The following ENTREP2 variants were observed in gnomAD, a reference collection of about 807,000 sequenced individuals.
ENTREP2 encodes protein ENTREP2.
the ENTREP2 span, among the ~76,000 whole-genome samples, chr15:29,668,320 T>G: frequency 6.6e-6 from 1 of 152,090 alleles, no homozygotes. Context: ...AACCATACTT[T>G]CCAGCAGATG....
At chr15:29,654,081 T>C in the ENTREP2 span, among the ~76,000 whole-genome samples, 1 of 152,188 alleles carries the variant, frequency 6.6e-6, no homozygotes, top group South Asian at 2.1e-4. Context: ...ATTTATAATA[T>C]TGCTATAATT....
chr15:29,641,831 C>CAAAA, the ENTREP2 span, among the ~76,000 whole-genome samples: 2 of 78,620 alleles, frequency 2.5e-5, no homozygotes. Context: ...GACTCTGTCT[C>CAAAA]AAAAAAAAAA....
At chr15:29,600,902 C>CCTTTTTTTTTTTTTTT in the ENTREP2 span, among the ~76,000 whole-genome samples, 29 of 123,602 alleles carry the variant, frequency 2.3e-4, no homozygotes, top group African/African-American at 9.7e-4. Context: ...ATTTTTCTTT[C>CCTTTTTTTTTTTTTTT]TTTTTTTTTT....
chr15:29,148,619 G>T, the ENTREP2 span, among the ~76,000 whole-genome samples: 2 of 152,084 alleles, frequency 1.3e-5, no homozygotes, highest in East Asian at 3.8e-4. Context: ...TTTTTATTGT[G>T]TTTTTTCCTT....
chr15:29,415,077 G>A, the ENTREP2 span, among the ~76,000 whole-genome samples: 3 of 152,160 alleles, frequency 2.0e-5, no homozygotes, highest in African/African-American at 2.4e-5. Flanking sequence ...AGAGGTACAA[G>A]GAGGAGCTGG....
chr15:29,534,250 T>C, the ENTREP2 span, among the ~76,000 whole-genome samples: 5 of 152,102 alleles, frequency 3.3e-5, no homozygotes, highest in African/African-American at 1.2e-4. Context: ...GGGAATCTAT[T>C]TTCTCGCTGG....
the ENTREP2 span, among the ~76,000 whole-genome samples, chr15:29,311,986 A>G: frequency 6.6e-6 from 1 of 152,244 alleles, no homozygotes; most frequent in Non-Finnish European, 1.5e-5. Flanking sequence ...GGTATGTGAA[A>G]AAATCAGCAT....
At chr15:29,643,405 T>C in the ENTREP2 span, among the ~76,000 whole-genome samples, 2 of 151,988 alleles carry the variant, frequency 1.3e-5, no homozygotes, top group Admixed American at 6.6e-5. Context: ...ACCAGGGAAA[T>C]GCAAATCTAA....
the ENTREP2 span, among the ~76,000 whole-genome samples, chr15:29,470,332 G>A: frequency 6.6e-6 from 1 of 152,154 alleles, no homozygotes; most frequent in Non-Finnish European, 1.5e-5. Flanking sequence ...CAGGTCCTGG[G>A]CCCTGCCAAG....
the ENTREP2 span, among the ~76,000 whole-genome samples, chr15:29,220,284 G>C: frequency 6.6e-6 from 1 of 152,200 alleles, no homozygotes; most frequent in Non-Finnish European, 1.5e-5. Context: ...TGTGAATTCA[G>C]AGAAACCAGG....
the ENTREP2 span, among the ~76,000 whole-genome samples, chr15:29,624,691 C>A: frequency 6.6e-6 from 1 of 152,072 alleles, no homozygotes; most frequent in Non-Finnish European, 1.5e-5. Flanking sequence ...AATTGGAGAC[C>A]CACAGGGACT....
chr15:29,151,567 C>T, the ENTREP2 span, among the ~76,000 whole-genome samples: 1 of 152,168 alleles, frequency 6.6e-6, no homozygotes, highest in African/African-American at 2.4e-5. Context: ...ACATCAGCGG[C>T]GCCACGTGTG....
the ENTREP2 span, among the ~76,000 whole-genome samples, chr15:29,626,955 A>T: frequency 6.6e-6 from 1 of 152,134 alleles, no homozygotes; most frequent in Non-Finnish European, 1.5e-5. Context: ...TGTCATTTTT[A>T]CTGATATTTT....
the ENTREP2 span, among the ~76,000 whole-genome samples, chr15:29,272,549 T>G: frequency 6.6e-6 from 1 of 152,136 alleles, no homozygotes; most frequent in African/African-American, 2.4e-5. Context: ...TTATTTCTCA[T>G]AAAGGGTTGC....
the ENTREP2 span, among the ~76,000 whole-genome samples, chr15:29,500,597 A>G: frequency 6.6e-6 from 1 of 152,078 alleles, no homozygotes; most frequent in Non-Finnish European, 1.5e-5. Flanking sequence ...AGTTTAATCC[A>G]TTTGAATAAA....
chr15:29,638,583 T>TA, the ENTREP2 span, among the ~76,000 whole-genome samples: 2 of 152,154 alleles, frequency 1.3e-5, no homozygotes, highest in Non-Finnish European at 2.9e-5. Flanking sequence ...GTGCAATTAA[T>TA]AAAAAACAAA....
the ENTREP2 span, among the ~76,000 whole-genome samples, chr15:29,561,548 C>T: frequency 6.6e-6 from 1 of 152,010 alleles, no homozygotes; most frequent in Admixed American, 6.6e-5. Flanking sequence ...ATTAGCCAGG[C>T]ATGGTGGCGG....
At chr15:29,510,704 G>C in the ENTREP2 span, among the ~76,000 whole-genome samples, 1 of 151,778 alleles carries the variant, frequency 6.6e-6, no homozygotes, top group African/African-American at 2.4e-5. Flanking sequence ...CTACTCAGGA[G>C]GCTGAGGCAG....
At chr15:29,608,103 A>T in the ENTREP2 span, among the ~76,000 whole-genome samples, 1 of 152,152 alleles carries the variant, frequency 6.6e-6, no homozygotes, top group African/African-American at 2.4e-5. Context: ...GCAGCTGATT[A>T]GATTGTGCCC....
Sources: allele counts gnomAD v4.1 joint callset (sites outside exome capture counted in the v4.1 genomes callset), GRCh38; gene constraint gnomAD v4.1.1; transcripts MANE v1.5; gene names NCBI Gene and HGNC (gene_info 2026-07-23, HGNC 2026-07-21).